Variants in COL4A5 observed in about 807,000 individuals in gnomAD.
COL4A5 encodes collagen alpha-5(IV) chain.
COL4A5 carries 26 observed loss-of-function variants against 130.2 expected under a neutral mutation model. The ratio of observed to expected loss-of-function variants is 0.20; its 90% confidence interval spans 0.15 to 0.28. The LOEUF (loss-of-function observed/expected upper bound fraction) is 0.28. Ranked by LOEUF, COL4A5 falls within the 10% of genes least tolerant of loss-of-function variation. The pLI, the probability that COL4A5 is intolerant of heterozygous loss-of-function variation, is 1.00. For synonymous variants in COL4A5, 496 were observed against 439.6 expected (o/e 1.13, Z -1.60); for missense variants, 1,131 against 1,344.3 (o/e 0.84, Z 2.48).
intron 2 of COL4A5, among the ~76,000 whole-genome samples, chrX:108,544,610 C>A (rs764171600): frequency 1.3e-4 from 14 of 110,441 alleles, no homozygotes; most frequent in African/African-American, 4.0e-4. Flanking sequence ...TATCAGGATG[C>A]TGCTGGCCTC....
chrX:108,620,393 C>T lies in COL4A5; in HGVS notation c.2644C>T (p.Leu882Phe), dbSNP rs1421913414. ...GPIGPPGSPG[L>F]PGKAGASGFP... ...TATAGGACCTCCAGGATCACCAGGG[C>T]TTCCAGGAAAAGCAGGTGCCTCTGG... is the stretch of plus-strand genomic sequence containing the variant. Residue 882 changes from leucine (L) to phenylalanine (F), a missense_variant, in exon 31 of 53, where the codon CTT becomes TTT. Coordinates refer to ENST00000328300, the MANE Select transcript of COL4A5 (RefSeq NM_033380.3). 2.5e-6 allele frequency: 3 copies of T among 1,209,952 alleles called. No individual in the cohort carries two copies. The highest frequency in any genetic ancestry group is 3.4e-6 in the Non-Finnish European group (3 of 894,366).
chrX:108,684,946 A>ATTAATAG (rs1358563703), intron 47 of COL4A5, among the ~76,000 whole-genome samples: 1 of 112,555 alleles, frequency 8.9e-6, no homozygotes, highest in Non-Finnish European at 1.9e-5. Context: ...AAGCTGGTTC[A>ATTAATAG]ACATACACAA....
At chrX:108,473,018 T>C (rs1471371326) in intron 1 of COL4A5, among the ~76,000 whole-genome samples, 1 of 112,195 alleles carries the variant, frequency 8.9e-6, no homozygotes, top group Admixed American at 9.5e-5. Context: ...TGATTAAAGA[T>C]GTTGGACATT....
intron 1 of COL4A5, among the ~76,000 whole-genome samples, chrX:108,499,883 T>C (rs1260836441): frequency 8.9e-6 from 1 of 111,766 alleles, no homozygotes; most frequent in African/African-American, 3.2e-5. Context: ...ATACATAGTA[T>C]ACATACATAA....
chrX:108,575,064 C>T (rs906161450), intron 9 of COL4A5, among the ~76,000 whole-genome samples: 7 of 111,133 alleles, frequency 6.3e-5, no homozygotes, highest in African/African-American at 1.6e-4. Context: ...ATGAGGATTA[C>T]AGGTGTAAGC....
At chrX:108,526,714 T>TTTCC (rs1459654592) in intron 1 of COL4A5, among the ~76,000 whole-genome samples, 1 of 93,346 alleles carries the variant, frequency 1.1e-5, no homozygotes, top group African/African-American at 4.0e-5. Flanking sequence ...TCTTTCTTTC[T>TTTCC]TTCTTTCTTT....
intron 36 of COL4A5, chrX:108,626,674 G>A: frequency 1.0e-6 from 1 of 975,559 alleles, no homozygotes; most frequent in South Asian, 2.7e-5. Flanking sequence ...GTTGGCCTTT[G>A]TCCTAATGTT....
chrX:108,464,990 A>G (rs756067205), intron 1 of COL4A5, among the ~76,000 whole-genome samples: 1 of 112,161 alleles, frequency 8.9e-6, no homozygotes, highest in East Asian at 2.8e-4. Context: ...GTGCACACCC[A>G]CAACATTTTC....
At chrX:108,620,999 T>C (rs1443339466) in intron 31 of COL4A5, among the ~76,000 whole-genome samples, 2 of 111,358 alleles carry the variant, frequency 1.8e-5, no homozygotes, top group Non-Finnish European at 3.8e-5. Flanking sequence ...TTCTTTTCTT[T>C]CGCTCTCTCT....
chrX:108,477,705 A>G (rs918135843), intron 1 of COL4A5, among the ~76,000 whole-genome samples: 1 of 106,850 alleles, frequency 9.4e-6, no homozygotes, highest in East Asian at 3.0e-4. Context: ...AACCCCAGCT[A>G]TTTGGAAAGC....
intron 1 of COL4A5, among the ~76,000 whole-genome samples, chrX:108,529,614 T>A (rs1353517326): frequency 1.8e-5 from 2 of 111,368 alleles, no homozygotes; most frequent in East Asian, 2.8e-4. Flanking sequence ...AATGGCTGAA[T>A]GAATTTTTAA....
chrX:108,691,953 C>CAGAAGGGT (rs1243186767), intron 49 of COL4A5, among the ~76,000 whole-genome samples: 1 of 111,289 alleles, frequency 9.0e-6, no homozygotes, highest in Non-Finnish European at 1.9e-5. Flanking sequence ...AAGTGGAATA[C>CAGAAGGGT]CGAAGGGTGG....
In COL4A5 at chrX:108,621,787, T is replaced by A. The variant is rs376960230; in HGVS notation, c.2678-16T>A. The A allele has an allele frequency of 1.7e-6, 2 of 1,153,734 alleles. No homozygotes were observed. Among genetic ancestry groups the A allele is most frequent in the African/African-American group, 3.6e-5 (2 of 56,209 alleles). On this transcript the variant is annotated splice_polypyrimidine_tract_variant and intron_variant, in intron 31 of 52. Coordinates refer to ENST00000328300, the MANE Select transcript of COL4A5 (RefSeq NM_033380.3). ...GTCAAAGAAAGGCAAACATTACTTA[T>A]TGATATTCTTCAAAGGTACCAAAGG...
At chrX:108,517,360 C>T (rs1467735580) in intron 1 of COL4A5, among the ~76,000 whole-genome samples, 1 of 111,563 alleles carries the variant, frequency 9.0e-6, no homozygotes, top group East Asian at 2.8e-4. Flanking sequence ...TGTTTCTCTG[C>T]TCCTTCTATT....
At chrX:108,532,039 A>G (rs73526223) in intron 1 of COL4A5, among the ~76,000 whole-genome samples, 11,580 of 111,191 alleles carry the variant, frequency 0.1, 1,305 homozygotes, top group African/African-American at 0.34. Flanking sequence ...TCCTCCTGAA[A>G]CTATTCCAGA....
intron 4 of COL4A5, among the ~76,000 whole-genome samples, chrX:108,567,232 A>T: frequency 8.9e-6 from 1 of 112,362 alleles, no homozygotes; most frequent in South Asian, 3.7e-4. Flanking sequence ...ACCATGTTTG[A>T]TGAAAGGCAC....
intron 1 of COL4A5, among the ~76,000 whole-genome samples, chrX:108,520,069 T>C (rs755148789): frequency 9.0e-6 from 1 of 111,681 alleles, no homozygotes; most frequent in East Asian, 2.8e-4. Context: ...CTTTATCACA[T>C]TTTATTTAAT....
chrX:108,516,993 C>A (rs890487433), intron 1 of COL4A5, among the ~76,000 whole-genome samples: 2 of 111,300 alleles, frequency 1.8e-5, no homozygotes, highest in African/African-American at 6.5e-5. Flanking sequence ...TACATCAGAG[C>A]ATTATTACTG....
At chrX:108,657,702 A>T (rs1329016807) in intron 37 of COL4A5, among the ~76,000 whole-genome samples, 1 of 111,385 alleles carries the variant, frequency 9.0e-6, no homozygotes. Flanking sequence ...AACATATTTT[A>T]TTAAATTTAT....
Sources: allele counts gnomAD v4.1 joint callset (sites outside exome capture counted in the v4.1 genomes callset), GRCh38; gene constraint gnomAD v4.1.1; transcripts MANE v1.5; gene names NCBI Gene and HGNC (gene_info 2026-07-23, HGNC 2026-07-21).